CELA2B: variants seen among roughly 807,000 people sequenced by gnomAD.
CELA2B encodes chymotrypsin like elastase 2B.
Under a neutral mutation model 36.5 loss-of-function variants are expected in CELA2B, and 27 were observed. The observed-to-expected ratio is 0.74, with a 90% confidence interval of 0.55 to 1.02. The LOEUF is 1.02. CELA2B is among the 50% of genes least tolerant of loss of function. The pLI is 0.00. For synonymous variants in CELA2B, 143 were observed against 148.5 expected (o/e 0.96, Z 0.27); for missense variants, 340 against 347.8 (o/e 0.98, Z 0.18).
intron 2 of CELA2B, among the ~76,000 whole-genome samples, chr1:15,480,679 A>C (rs1039769752): frequency 2.6e-5 from 4 of 152,158 alleles, no homozygotes; most frequent in African/African-American, 9.7e-5. Flanking sequence ...AACCACCCTC[A>C]TGATTCAATT....
At chr1:15,491,077 C>G in intron 7 of CELA2B, 1 of 575,844 alleles carries the variant, frequency 1.7e-6, no homozygotes, top group Non-Finnish European at 3.2e-6. Flanking sequence ...CTGGCTAAGA[C>G]CCCCTTTACA....
At chr1:15,484,570 G>A (rs149384739) in intron 5 of CELA2B, among the ~76,000 whole-genome samples, 2,063 of 152,198 alleles carry the variant, frequency 0.014, 51 homozygotes, top group African/African-American at 0.046. Flanking sequence ...CAAATCCTGC[G>A]GTGAGTGGTG....
chr1:15,486,660 A>G (rs1570811887), intron 6 of CELA2B, among the ~76,000 whole-genome samples: 1 of 152,174 alleles, frequency 6.6e-6, no homozygotes, highest in African/African-American at 2.4e-5. Context: ...CCCTGGCTTA[A>G]GGCCTTTCTA....
chr1:15,483,058 A>G (rs1708761607), intron 4 of CELA2B, among the ~76,000 whole-genome samples: 1 of 147,934 alleles, frequency 6.8e-6, no homozygotes, highest in Non-Finnish European at 1.5e-5. Flanking sequence ...AAGTGCTGGC[A>G]TTACAGGCTG....
At chr1:15,487,529 C>G in intron 7 of CELA2B, 92 bp downstream of exon 7, 1 of 1,513,382 alleles carries the variant, frequency 6.6e-7, no homozygotes. Context: ...AGAACCCCCT[C>G]CTTCCTCTTG....
At chr1:15,479,947 C>T (rs558103199) in intron 2 of CELA2B, among the ~76,000 whole-genome samples, 1 of 152,182 alleles carries the variant, frequency 6.6e-6, no homozygotes, top group South Asian at 2.1e-4. Flanking sequence ...GTCAGAGAGG[C>T]CACGGAGAGC....
chr1:15,490,519 G>A (rs1708869189), intron 7 of CELA2B, among the ~76,000 whole-genome samples: 1 of 152,218 alleles, frequency 6.6e-6, no homozygotes, highest in Non-Finnish European at 1.5e-5. Context: ...TATTTGTGCT[G>A]TAGCAGCTGG....
rs1384956122 is a variant in CELA2B at position 15,487,392 on chromosome 1, C to T, written c.747C>T (p.Pro249=). The stretch of plus-strand genomic sequence containing the variant: ...TTGGTTGCAACTACTACTACAAGCC[C>T]TCCATCTTCACGCGGGTCTCCAACT... ...SVLGCNYYYK[P]SIFTRVSNYN... The change falls in exon 7 of 8, where the codon CCC becomes CCT. Residue 249 remains proline (P), a synonymous_variant. Coordinates refer to ENST00000375910, the MANE Select transcript of CELA2B (RefSeq NM_015849.3). 8 of 1,614,128 alleles carry T rather than the reference C, an allele frequency of 5.0e-6. No homozygotes were observed. Among genetic ancestry groups the T allele is most frequent in the Non-Finnish European group, 6.8e-6 (8 of 1,180,054 alleles).
At position 15,487,108 on chromosome 1, in the gene CELA2B, G is replaced by A. The variant is rs189292484; in HGVS notation, c.640-177G>A. Among the ~76,000 whole-genome samples, 4 of 152,348 alleles carry A rather than the reference G, an allele frequency of 2.6e-5. No individual in the cohort carries two copies. The East Asian group carries it at 7.7e-4, about 29-fold the overall frequency. On this transcript the variant is annotated intron_variant, in intron 6 of 7. Coordinates refer to ENST00000375910, the MANE Select transcript of CELA2B (RefSeq NM_015849.3). Reference sequence around the variant, plus strand: ...AGAACATGCTTAGCTCAGCTCTAAGGAAGAATAAGTGTTGGCTCTTGTTGG... The same window carrying A: ...AGAACATGCTTAGCTCAGCTCTAAGAAAGAATAAGTGTTGGCTCTTGTTGG...
At chr1:15,484,711 G>C (rs544634765) in intron 5 of CELA2B, among the ~76,000 whole-genome samples, 2 of 152,224 alleles carry the variant, frequency 1.3e-5, no homozygotes, top group African/African-American at 4.8e-5. Flanking sequence ...TTGGCTTTTC[G>C]GCCCAGCTCT....
Position 15,481,082 on chromosome 1 carries a change from CTG to C in CELA2B, c.130-12_130-11del, listed in dbSNP as rs1164328578. On this transcript the variant is annotated splice_polypyrimidine_tract_variant and intron_variant, in intron 2 of 7. Transcript: ENST00000375910. ...TGCTTTTTCAGCCACAGCCACAGAC[CTG>C]TGTTTCTCCCCAGGTCTCCCTGCAG... 1.9e-6 allele frequency: 3 copies of C among 1,611,948 alleles called. No homozygotes were observed. The African/African-American group carries it at 4.0e-5, about 22-fold the overall frequency.
rs192369885 is a variant in CELA2B, at chr1:15,491,229, G to T, written c.793-66G>T. On this transcript the variant is annotated intron_variant, in intron 7 of 7. Transcript: ENST00000375910. The stretch of plus-strand genomic sequence containing the variant: ...GCTTAGCCCAGGAGGACAGAGACAG[G>T]AAACTGCCACGCACAGCTCTGTGGT... 608 of 1,606,460 alleles carry T rather than the reference G, an allele frequency of 3.8e-4. 1 individual carries two copies. In the African/African-American group the frequency reaches 6.9e-3, roughly 18 times the overall value.
intron 7 of CELA2B, among the ~76,000 whole-genome samples, chr1:15,490,378 C>T (rs1216726648): frequency 6.6e-6 from 1 of 152,150 alleles, no homozygotes; most frequent in Non-Finnish European, 1.5e-5. Context: ...TCAGTACATA[C>T]ATGTCATTCT....
intron 2 of CELA2B, among the ~76,000 whole-genome samples, chr1:15,478,735 T>C (rs1708704027): frequency 6.6e-6 from 1 of 151,068 alleles, no homozygotes; most frequent in Admixed American, 6.6e-5. Flanking sequence ...CAGCAAATTT[T>C]TTTTGTATTT....
At position 15,482,350 on chromosome 1, in the gene CELA2B, A is replaced by C; in HGVS notation, c.313A>C (p.Ile105Leu). ...SGSLAVSVSK[I>L]VVHKDWNSDQ... ...CTCGCTGGCCGTCAGTGTCTCTAAG[A>C]TTGTGGTGCACAAGGACTGGAACTC... The change falls in exon 4 of 8, where the codon ATT becomes CTT. Residue 105 changes from isoleucine (I) to leucine (L), a missense_variant. Transcript: ENST00000375910. 6.2e-7 allele frequency: 1 copy of C among 1,614,000 alleles called. No individual in the cohort carries two copies. The highest frequency in any genetic ancestry group is 8.5e-7 in the Non-Finnish European group (1 of 1,180,006).
At chr1:15,485,302 T>C (rs779772360) in intron 5 of CELA2B, among the ~76,000 whole-genome samples, 2 of 152,202 alleles carry the variant, frequency 1.3e-5, no homozygotes, top group Admixed American at 6.5e-5. Context: ...GGCTGTGTCA[T>C]TGGGGGCCAT....
intron 2 of CELA2B, among the ~76,000 whole-genome samples, chr1:15,479,933 T>A (rs866069277): frequency 1.3e-5 from 2 of 152,050 alleles, no homozygotes; most frequent in African/African-American, 2.4e-5. Context: ...TGGGAGCCTA[T>A]GGGGTCAGAG....
chr1:15,491,227 A>G (rs371609701), intron 7 of CELA2B, 68 bp from the exon 8 acceptor site: 20 of 1,602,118 alleles, frequency 1.2e-5, no homozygotes, highest in African/African-American at 2.7e-5. Context: ...GGACAGAGAC[A>G]GGAAACTGCC....
At chr1:15,486,096 G>A (rs1433607586) in intron 6 of CELA2B, 50 bp downstream of exon 6, 2 of 1,596,948 alleles carry the variant, frequency 1.3e-6, no homozygotes, top group Non-Finnish European at 1.7e-6. Context: ...TGTGGCTGGG[G>A]ATGGGAAGAG....
Sources: allele counts gnomAD v4.1 joint callset (sites outside exome capture counted in the v4.1 genomes callset), GRCh38; gene constraint gnomAD v4.1.1; transcripts MANE v1.5; gene names NCBI Gene and HGNC (gene_info 2026-07-23, HGNC 2026-07-21).